CALN1: variants seen among roughly 807,000 people sequenced by gnomAD.
CALN1 encodes the protein calneuron 1, also known as calcium-binding protein 8.
In CALN1, 17 loss-of-function variants were observed where a neutral mutation model predicts 30.6. That is an observed-to-expected ratio of 0.56 (90% CI 0.38 to 0.83). CALN1 has a LOEUF of 0.83. Among genes scored for constraint, CALN1 ranks in the 40% least tolerant of loss-of-function variants. The pLI, the probability that CALN1 is intolerant of heterozygous loss-of-function variation, is 0.00. For synonymous variants in CALN1, 156 were observed against 131.4 expected (o/e 1.19, Z -1.28); for missense variants, 291 against 354.9 (o/e 0.82, Z 1.45).
intron 3 of CALN1, among the ~76,000 whole-genome samples, chr7:72,268,319 G>A (rs1226388586): frequency 2.6e-5 from 4 of 152,024 alleles, no homozygotes; most frequent in Non-Finnish European, 1.5e-5. Context: ...TAAGCAGGGA[G>A]TTGAAGCAGA....
At position 72,100,136 on chromosome 7, in the gene CALN1, CT is replaced by C. The variant is rs896156194; in HGVS notation, c.388+6014del. On this transcript the variant is annotated intron_variant, in intron 4 of 6. Transcript: ENST00000395275. ...AACTTGGGGCCGAAGACGCTTAAATCTTTTTTTTAATTTTTTTGAGTTTTTT... is the reference window on the plus strand; with the variant it reads ...AACTTGGGGCCGAAGACGCTTAAATCTTTTTTTAATTTTTTTGAGTTTTTT... Among the ~76,000 whole-genome samples, 52 of 142,874 alleles carry C rather than the reference CT, an allele frequency of 3.6e-4. 1 individual carries two copies. The Middle Eastern group carries it at 0.014, about 39-fold the overall frequency. The allele number at this position is 142,874 out of a possible 152,430, so 93.7% of individuals were successfully genotyped here. A position where few individuals can be genotyped will look rare whatever the true frequency, so the allele number is the denominator to read the frequency against.
At chr7:71,964,258 C>T (rs574216191) in intron 5 of CALN1, among the ~76,000 whole-genome samples, 8 of 152,174 alleles carry the variant, frequency 5.3e-5, no homozygotes, top group Non-Finnish European at 1.0e-4. Context: ...AGCATGCAGA[C>T]AGGCAGGTGT....
At chr7:72,042,159 A>G (rs1454350897) in intron 4 of CALN1, among the ~76,000 whole-genome samples, 3 of 152,118 alleles carry the variant, frequency 2.0e-5, no homozygotes, top group Admixed American at 2.0e-4. Flanking sequence ...GCATTGGAGA[A>G]ATTAAGGTTA....
At chr7:72,239,132 C>A (rs1794673356) in intron 3 of CALN1, among the ~76,000 whole-genome samples, 1 of 152,208 alleles carries the variant, frequency 6.6e-6, no homozygotes, top group Non-Finnish European at 1.5e-5. Context: ...AAAAGTGGCT[C>A]ATGCCTGTAA....
intron 5 of CALN1, among the ~76,000 whole-genome samples, chr7:71,961,970 G>T (rs150631006): frequency 1.6e-3 from 239 of 152,136 alleles, no homozygotes; most frequent in African/African-American, 5.0e-3. Context: ...GTAGCCTCAG[G>T]GAGCCTCATT....
At chr7:72,006,427 G>C (rs184434032) in intron 5 of CALN1, among the ~76,000 whole-genome samples, 12 of 152,054 alleles carry the variant, frequency 7.9e-5, no homozygotes, top group Admixed American at 6.5e-4. Context: ...GAATAATATG[G>C]GGCCACTGAA....
chr7:72,301,863 G>A (rs1334979755), intron 2 of CALN1, among the ~76,000 whole-genome samples: 1 of 152,106 alleles, frequency 6.6e-6, no homozygotes, highest in Non-Finnish European at 1.5e-5. Flanking sequence ...ATCACATTCA[G>A]AAACGCCAGG....
chr7:72,111,348 G>A (rs1179354054), intron 3 of CALN1, among the ~76,000 whole-genome samples: 1 of 152,244 alleles, frequency 6.6e-6, no homozygotes. Context: ...TTCCCACAGG[G>A]ATCTGAGCCC....
intron 3 of CALN1, among the ~76,000 whole-genome samples, chr7:72,181,800 T>C (rs1384430985): frequency 6.6e-6 from 1 of 152,204 alleles, no homozygotes; most frequent in Non-Finnish European, 1.5e-5. Flanking sequence ...TATCTATTAC[T>C]ATATGAAAGT....
chr7:72,320,586 A>G (rs991459606), intron 2 of CALN1, among the ~76,000 whole-genome samples: 7 of 152,116 alleles, frequency 4.6e-5, no homozygotes, highest in African/African-American at 1.7e-4. Flanking sequence ...TGTAATCCCA[A>G]CACTTTGGGA....
At chr7:72,411,340 A>C (rs1179434804) in intron 1 of CALN1, among the ~76,000 whole-genome samples, 1 of 152,202 alleles carries the variant, frequency 6.6e-6, no homozygotes, top group Non-Finnish European at 1.5e-5. Flanking sequence ...TCAGGACAAA[A>C]AGAACCACAA....
chr7:72,274,824 C>G (rs1797234652), intron 3 of CALN1, among the ~76,000 whole-genome samples: 1 of 152,090 alleles, frequency 6.6e-6, no homozygotes. Flanking sequence ...ATCAATCCAC[C>G]TTCACTGAGT....
In CALN1 at chr7:71,847,847, G is replaced by GAGAAGAAGAAGAAGAAGAAGA. The variant is rs66530230; in HGVS notation, c.502-37356_502-37355insTCTTCTTCTTCTTCTTCTTCT. Among the ~76,000 whole-genome samples, 8 of 134,898 alleles carry GAGAAGAAGAAGAAGAAGAAGA rather than the reference G, an allele frequency of 5.9e-5. No homozygotes were observed. The South Asian group carries it at 1.2e-3, about 20-fold the overall frequency. The allele number at this position is 134,898 out of a possible 152,430, so 88.5% of individuals were successfully genotyped here. A position where few individuals can be genotyped will look rare whatever the true frequency, so the allele number is the denominator to read the frequency against. On this transcript the variant is annotated intron_variant, in intron 5 of 6. Coordinates refer to ENST00000395275, the MANE Select transcript of CALN1 (RefSeq NM_031468.4). ...GGAGAAGGAGAAGGAGAAGGAGAAG[G>GAGAAGAAGAAGAAGAAGAAGA]AGAAGAAGAAGAGGAAAGTTTTCCC...
intron 5 of CALN1, among the ~76,000 whole-genome samples, chr7:71,986,712 G>C (rs1300847329): frequency 6.6e-6 from 1 of 152,226 alleles, no homozygotes; most frequent in Non-Finnish European, 1.5e-5. Flanking sequence ...CACCTCTTTA[G>C]AAATTCTGAA....
chr7:72,176,307 A>G (rs967073620), intron 3 of CALN1, among the ~76,000 whole-genome samples: 1 of 152,218 alleles, frequency 6.6e-6, no homozygotes, highest in African/African-American at 2.4e-5. Flanking sequence ...TGAAGATGCT[A>G]GAATTCTGCA....
At chr7:72,033,785 T>A (rs921187586) in intron 4 of CALN1, among the ~76,000 whole-genome samples, 5 of 152,054 alleles carry the variant, frequency 3.3e-5, no homozygotes, top group African/African-American at 1.2e-4. Flanking sequence ...CTGCCCAGGC[T>A]TGGGTATGAA....
At chr7:72,245,665 T>G (rs1021772475) in intron 3 of CALN1, among the ~76,000 whole-genome samples, 1 of 143,700 alleles carries the variant, frequency 7.0e-6, no homozygotes, top group Non-Finnish European at 1.5e-5. Context: ...TAAATAAAGT[T>G]GAGTAAAACA....
intron 6 of CALN1, among the ~76,000 whole-genome samples, chr7:71,791,243 T>C (rs540642546): frequency 6.6e-5 from 10 of 152,332 alleles, no homozygotes; most frequent in East Asian, 1.9e-4. Flanking sequence ...CAATCTACCA[T>C]TGATGGCCAT....
intron 5 of CALN1, among the ~76,000 whole-genome samples, chr7:71,853,017 C>T (rs1790739055): frequency 6.6e-6 from 1 of 151,960 alleles, no homozygotes; most frequent in Non-Finnish European, 1.5e-5. Context: ...CTAATCTGTG[C>T]CTTGCCTTTT....
Sources: allele counts gnomAD v4.1 joint callset (sites outside exome capture counted in the v4.1 genomes callset), GRCh38; gene constraint gnomAD v4.1.1; transcripts MANE v1.5; gene names NCBI Gene and HGNC (gene_info 2026-07-23, HGNC 2026-07-21).